Variants in CLNK observed in about 807,000 individuals in gnomAD.
CLNK encodes cytokine-dependent hematopoietic cell linker.
Under a neutral mutation model 68.6 loss-of-function variants are expected in CLNK, and 74 were observed. The ratio of observed to expected loss-of-function variants is 1.08; its 90% CI spans 0.89 to 1.31. The LOEUF (loss-of-function observed/expected upper bound fraction) is 1.31. Ranked by LOEUF, CLNK falls within the 50% of genes most tolerant of loss-of-function variation. CLNK has a pLI of 0.00. For synonymous variants in CLNK, 198 were observed against 172.2 expected, an observed-to-expected ratio of 1.15 and a Z score of -1.17; for missense variants, 553 against 515.3, an observed-to-expected ratio of 1.07 and a Z score of -0.71.
chr4:10,657,371 G>T (rs1048302866), intron 2 of CLNK, among the ~76,000 whole-genome samples: 1 of 152,138 alleles, frequency 6.6e-6, no homozygotes, highest in Non-Finnish European at 1.5e-5. Flanking sequence ...AGAATTAATG[G>T]TAATTCATAA....
At chr4:10,511,865 C>A (rs1174750163) in intron 16 of CLNK, among the ~76,000 whole-genome samples, 1 of 152,040 alleles carries the variant, frequency 6.6e-6, no homozygotes, top group African/African-American at 2.4e-5. Context: ...TTCTTTTGGG[C>A]ATAGACTAAG....
intron 2 of CLNK, among the ~76,000 whole-genome samples, chr4:10,652,095 T>C (rs547230427): frequency 6.6e-6 from 1 of 151,994 alleles, no homozygotes; most frequent in Non-Finnish European, 1.5e-5. Flanking sequence ...TAAAAGACAT[T>C]TGAGGCCAGG....
At chr4:10,631,268 T>C (rs1379137151) in intron 2 of CLNK, among the ~76,000 whole-genome samples, 1 of 152,194 alleles carries the variant, frequency 6.6e-6, no homozygotes, top group African/African-American at 2.4e-5. Flanking sequence ...AAGGTATGTG[T>C]CCTCTCTCAT....
At chr4:10,690,944 G>A in the CLNK span, among the ~76,000 whole-genome samples, 1 of 152,142 alleles carries the variant, frequency 6.6e-6, no homozygotes, top group African/African-American at 2.4e-5. Context: ...AGAAAGTGCA[G>A]TGCAACAAAA....
intron 4 of CLNK, among the ~76,000 whole-genome samples, chr4:10,572,469 A>G (rs940576917): frequency 6.6e-6 from 1 of 152,228 alleles, no homozygotes; most frequent in Non-Finnish European, 1.5e-5. Context: ...ATTATGCAAA[A>G]TCACTGCAGA....
intron 13 of CLNK, 100 bp from the exon 14 acceptor site, chr4:10,526,022 C>A: frequency 1.5e-6 from 1 of 680,142 alleles, no homozygotes; most frequent in South Asian, 1.9e-5. Flanking sequence ...TCCAAGTAAT[C>A]TCTGATTATT....
At chr4:10,636,238 G>C (rs1018543348) in intron 2 of CLNK, among the ~76,000 whole-genome samples, 2 of 152,168 alleles carry the variant, frequency 1.3e-5, no homozygotes, top group Non-Finnish European at 2.9e-5. Flanking sequence ...TCTTGGAGTA[G>C]GGTGGGTCTT....
chr4:10,708,823 G>A, the CLNK span, among the ~76,000 whole-genome samples: 15 of 152,292 alleles, frequency 9.8e-5, no homozygotes, highest in South Asian at 3.1e-3. Flanking sequence ...TTCATTCATA[G>A]CATTTACAGT....
chr4:10,636,130 A>G (rs1723079372), intron 2 of CLNK, among the ~76,000 whole-genome samples: 1 of 152,200 alleles, frequency 6.6e-6, no homozygotes, highest in Admixed American at 6.5e-5. Flanking sequence ...GTGTCTTCCA[A>G]AAAGATGTGT....
intron 4 of CLNK, among the ~76,000 whole-genome samples, chr4:10,577,232 A>C (rs1720601062): frequency 6.6e-6 from 1 of 152,208 alleles, no homozygotes; most frequent in Non-Finnish European, 1.5e-5. Context: ...TTTCAGTTTC[A>C]AGAGAAGACT....
chr4:10,661,757 G>A (rs1282611021), intron 2 of CLNK, among the ~76,000 whole-genome samples: 1 of 152,170 alleles, frequency 6.6e-6, no homozygotes, highest in Non-Finnish European at 1.5e-5. Flanking sequence ...ACATTGACTT[G>A]AAGGTGACTT....
chr4:10,706,894 G>C, the CLNK span, among the ~76,000 whole-genome samples: 1 of 152,160 alleles, frequency 6.6e-6, no homozygotes, highest in Non-Finnish European at 1.5e-5. Flanking sequence ...TTCTGGCCGT[G>C]ATGGGAAGGG....
the CLNK span, among the ~76,000 whole-genome samples, chr4:10,706,311 T>C: frequency 7.2e-5 from 11 of 152,278 alleles, no homozygotes; most frequent in Admixed American, 4.6e-4. Flanking sequence ...GCTATTACTA[T>C]AAATTTAGGG....
chr4:10,491,130 G>C (rs1716554034), intron 18 of CLNK, among the ~76,000 whole-genome samples: 1 of 152,162 alleles, frequency 6.6e-6, no homozygotes. Flanking sequence ...TAACAAGAGA[G>C]AAAAAAATTC....
the CLNK span, among the ~76,000 whole-genome samples, chr4:10,730,689 C>T: frequency 6.6e-6 from 1 of 152,186 alleles, no homozygotes; most frequent in South Asian, 2.1e-4. Flanking sequence ...GTACATGCCT[C>T]ATGTACTGGA....
intron 2 of CLNK, among the ~76,000 whole-genome samples, chr4:10,652,017 GC>G (rs1723762520): frequency 6.6e-6 from 1 of 151,638 alleles, no homozygotes; most frequent in Non-Finnish European, 1.5e-5. Context: ...CAAATAGAAA[GC>G]AAAAAATAAA....
chr4:10,533,577 C>T (rs1001107790), intron 11 of CLNK, among the ~76,000 whole-genome samples: 1 of 152,184 alleles, frequency 6.6e-6, no homozygotes, highest in African/African-American at 2.4e-5. Flanking sequence ...CAAGGTTCCA[C>T]GGTTTTAGCC....
intron 2 of CLNK, among the ~76,000 whole-genome samples, chr4:10,659,129 G>A (rs1414996890): frequency 4.6e-5 from 7 of 152,126 alleles, no homozygotes; most frequent in African/African-American, 1.4e-4. Context: ...TCTTGAACCC[G>A]GGAGAAGGTT....
rs1465037967 is a variant in CLNK at position 10,585,006 on chromosome 4, G to A, written c.84-51C>T. Reference sequence around the variant, plus strand: ...AAATGTCCATTGCTCCACCTCCACCGACCCCCCGCCACATAGGAACAGGCA... The same window carrying A: ...AAATGTCCATTGCTCCACCTCCACCAACCCCCCGCCACATAGGAACAGGCA... On this transcript the variant is annotated intron_variant, in intron 3 of 18. Transcript: ENST00000226951. 5.0e-6 allele frequency: 8 copies of A among 1,595,980 alleles called. No homozygotes were observed. The African/African-American group carries it at 5.4e-5, about 11-fold the overall frequency.
Sources: allele counts gnomAD v4.1 joint callset (sites outside exome capture counted in the v4.1 genomes callset), GRCh38; gene constraint gnomAD v4.1.1; transcripts MANE v1.5; gene names NCBI Gene and HGNC (gene_info 2026-07-23, HGNC 2026-07-21).